AHI1: variants seen among roughly 807,000 people sequenced by gnomAD.
The protein encoded by AHI1 is jouberin.
AHI1 carries 123 observed loss-of-function variants against 149.3 expected under a neutral mutation model. The ratio of observed to expected loss-of-function variants is 0.82; its 90% CI spans 0.71 to 0.96. The LOEUF (loss-of-function observed/expected upper bound fraction) is 0.96, where lower values mean the gene tolerates loss of function less well. Among genes scored for constraint, AHI1 ranks in the 40% least tolerant of loss-of-function variants. AHI1 has a pLI of 0.00. For synonymous variants in AHI1, 475 were observed against 459.8 expected, an observed-to-expected ratio of 1.03 and a Z score of -0.42; for missense variants, 1,439 against 1,422.7, an observed-to-expected ratio of 1.01 and a Z score of -0.18.
chr6:135,456,846 C>T (rs1789034621), intron 9 of AHI1, among the ~76,000 whole-genome samples: 2 of 152,150 alleles, frequency 1.3e-5, no homozygotes, highest in Non-Finnish European at 1.5e-5. Flanking sequence ...GCCCAGATAA[C>T]ATTACTTTCA....
intron 21 of AHI1, among the ~76,000 whole-genome samples, chr6:135,409,713 A>G (rs187009620): frequency 1.3e-5 from 2 of 152,180 alleles, no homozygotes; most frequent in East Asian, 1.9e-4. Flanking sequence ...CCCCCCCATT[A>G]TATCTATGAT....
chr6:135,300,571 A>G lies in AHI1; in HGVS notation c.3427-13T>C. ...TATTGATTGATTGCTGTGGAAGAAGAGGAAAAACAAGTAGTAAGTAAAAAA... is the reference window on the plus strand; with the variant it reads ...TATTGATTGATTGCTGTGGAAGAAGGGGAAAAACAAGTAGTAAGTAAAAAA... On this transcript the variant is annotated splice_polypyrimidine_tract_variant and intron_variant, in intron 26 of 28. Coordinates refer to ENST00000265602, the MANE Select transcript of AHI1 (RefSeq NM_001134831.2). The G allele has an allele frequency of 6.3e-7, 1 of 1,597,686 alleles. No individual in the cohort carries two copies. The highest frequency in any genetic ancestry group is 8.5e-7 in the Non-Finnish European group (1 of 1,171,242).
intron 22 of AHI1, among the ~76,000 whole-genome samples, chr6:135,396,491 T>C (rs1208056629): frequency 6.6e-6 from 1 of 151,808 alleles, no homozygotes; most frequent in Non-Finnish European, 1.5e-5. Context: ...TTAAATAGAA[T>C]ATCTTGGCAA....
At chr6:135,378,640 T>C (rs1363671682) in intron 23 of AHI1, among the ~76,000 whole-genome samples, 1 of 152,220 alleles carries the variant, frequency 6.6e-6, no homozygotes, top group Non-Finnish European at 1.5e-5. Flanking sequence ...TTTAACATTA[T>C]TTTAACAATA....
chr6:135,442,966 T>G (rs369011060), intron 13 of AHI1, among the ~76,000 whole-genome samples: 1 of 152,156 alleles, frequency 6.6e-6, no homozygotes. Context: ...AATAGAAAAA[T>G]TTCAATATCT....
intron 11 of AHI1, among the ~76,000 whole-genome samples, chr6:135,449,549 C>T (rs1787771764): frequency 6.6e-6 from 1 of 152,186 alleles, no homozygotes; most frequent in Non-Finnish European, 1.5e-5. Flanking sequence ...GAAGAATAAG[C>T]ACTGAGTGCC....
chr6:135,295,848 A>G (rs2128344889), intron 27 of AHI1, among the ~76,000 whole-genome samples: 1 of 152,218 alleles, frequency 6.6e-6, no homozygotes, highest in South Asian at 2.1e-4. Flanking sequence ...CGTTTATTTT[A>G]TTTAATTTCA....
intron 14 of AHI1, among the ~76,000 whole-genome samples, chr6:135,441,848 C>A (rs1216574261): frequency 6.6e-6 from 1 of 151,910 alleles, no homozygotes; most frequent in Non-Finnish European, 1.5e-5. Flanking sequence ...GCAATATCTA[C>A]TTAATAAATG....
chr6:135,366,010 T>C (rs911170576), intron 23 of AHI1, among the ~76,000 whole-genome samples: 9 of 152,242 alleles, frequency 5.9e-5, no homozygotes, highest in Admixed American at 1.3e-4. Flanking sequence ...CTGAGGGTTT[T>C]AATCATAAAG....
chr6:135,491,089 T>C (rs978991591), intron 4 of AHI1, among the ~76,000 whole-genome samples: 4 of 152,194 alleles, frequency 2.6e-5, no homozygotes, highest in Non-Finnish European at 4.4e-5. Context: ...ATTTTCCTTA[T>C]CTGTAAAATC....
intron 20 of AHI1, among the ~76,000 whole-genome samples, chr6:135,426,802 AT>A (rs932118653): frequency 1.3e-5 from 2 of 151,504 alleles, no homozygotes; most frequent in Non-Finnish European, 3.0e-5. Flanking sequence ...CACTGATGTG[AT>A]TTTCCCCCTA....
chr6:135,463,790 C>T (rs962759436), intron 7 of AHI1, among the ~76,000 whole-genome samples: 3 of 151,806 alleles, frequency 2.0e-5, no homozygotes, highest in South Asian at 2.1e-4. Flanking sequence ...TTCGCGCTGT[C>T]GCCCAAGTTG....
chr6:135,300,816 CAAA>C (rs35584012), intron 26 of AHI1: 983 of 934,042 alleles, frequency 1.1e-3, no homozygotes, highest in East Asian at 5.7e-3. Flanking sequence ...GGTATGTGAC[CAAA>C]AAAAAAAAAA....
chr6:135,442,248 C>T (rs2128045282), intron 14 of AHI1, among the ~76,000 whole-genome samples: 1 of 152,224 alleles, frequency 6.6e-6, no homozygotes, highest in East Asian at 1.9e-4. Context: ...TATCAACTAG[C>T]CACATTGGAC....
chr6:135,299,373 T>C (rs1180215656), intron 27 of AHI1, among the ~76,000 whole-genome samples: 1 of 152,206 alleles, frequency 6.6e-6, no homozygotes, highest in Non-Finnish European at 1.5e-5. Flanking sequence ...CCAAAGCATA[T>C]AGCAGGGTTA....
At chr6:135,383,475 GA>G (rs35719148) in intron 23 of AHI1, among the ~76,000 whole-genome samples, 104,854 of 151,640 alleles carry the variant, frequency 0.69, 37,820 homozygotes, top group African/African-American at 0.92. Context: ...AGGCTCAAGT[GA>G]ATCACCTGAC....
chr6:135,361,979 A>G (rs1010865113), intron 23 of AHI1, among the ~76,000 whole-genome samples: 2 of 152,130 alleles, frequency 1.3e-5, no homozygotes, highest in African/African-American at 4.8e-5. Flanking sequence ...GTACTCTTCT[A>G]TCCCTCACCC....
At chr6:135,357,188 T>C (rs537360811) in intron 24 of AHI1, among the ~76,000 whole-genome samples, 2 of 152,312 alleles carry the variant, frequency 1.3e-5, no homozygotes, top group South Asian at 2.1e-4. Flanking sequence ...CTGCCCGCCT[T>C]GGCCTCCCAA....
intron 28 of AHI1, among the ~76,000 whole-genome samples, chr6:135,288,410 T>C (rs1335680074): frequency 2.0e-5 from 3 of 152,004 alleles, no homozygotes; most frequent in South Asian, 4.1e-4. Flanking sequence ...CAACACGCTG[T>C]ATTAGAAAAT....
Sources: allele counts gnomAD v4.1 joint callset (sites outside exome capture counted in the v4.1 genomes callset), GRCh38; gene constraint gnomAD v4.1.1; transcripts MANE v1.5; gene names NCBI Gene and HGNC (gene_info 2026-07-23, HGNC 2026-07-21).